The following KSR2 variants were observed in gnomAD, a reference collection of about 807,000 sequenced individuals.
The protein encoded by KSR2 is kinase suppressor of ras 2.
In KSR2, 25 loss-of-function variants were observed where a neutral mutation model predicts 107.8. The observed-to-expected ratio is 0.23, with a 90% CI of 0.17 to 0.32. The LOEUF (loss-of-function observed/expected upper bound fraction) is 0.32. Ranked by LOEUF, KSR2 falls within the 10% of genes least tolerant of loss-of-function variation. The pLI is 1.00. For missense variants in KSR2, 887 were observed against 1,268.9 expected (o/e 0.70, Z 4.57); for synonymous variants, 480 against 507.0 (o/e 0.95, Z 0.71).
chr12:117,900,100 G>A (rs1230306746), intron 1 of KSR2, among the ~76,000 whole-genome samples: 1 of 152,220 alleles, frequency 6.6e-6, no homozygotes, highest in African/African-American at 2.4e-5. Flanking sequence ...GCCATGCCTG[G>A]ATGTCTGATC....
chr12:117,693,359 G>T (rs1488944051), intron 4 of KSR2, among the ~76,000 whole-genome samples: 2 of 152,176 alleles, frequency 1.3e-5, no homozygotes, highest in South Asian at 4.1e-4. Flanking sequence ...CCACCTATGG[G>T]CCACAAATGA....
At chr12:117,845,001 C>G (rs751272582) in intron 3 of KSR2, among the ~76,000 whole-genome samples, 3 of 152,102 alleles carry the variant, frequency 2.0e-5, no homozygotes, top group Non-Finnish European at 2.9e-5. Context: ...AAAAAATTAG[C>G]CAGGCGTGGT....
intron 12 of KSR2, among the ~76,000 whole-genome samples, chr12:117,529,348 T>A (rs185181595): frequency 4.6e-5 from 7 of 152,290 alleles, no homozygotes; most frequent in African/African-American, 1.7e-4. Flanking sequence ...CCCAAGTAGC[T>A]GCGATTACAG....
chr12:117,736,973 C>T (rs1427030282), intron 4 of KSR2, among the ~76,000 whole-genome samples: 1 of 152,110 alleles, frequency 6.6e-6, no homozygotes, highest in Non-Finnish European at 1.5e-5. Context: ...GGGAATTAAC[C>T]CTCGAAGAAA....
At chr12:117,913,961 C>A (rs1895100828) in intron 1 of KSR2, among the ~76,000 whole-genome samples, 1 of 152,186 alleles carries the variant, frequency 6.6e-6, no homozygotes, top group African/African-American at 2.4e-5. Context: ...TCTTCTCTGT[C>A]CGTCCCTTCA....
intron 10 of KSR2, 57 bp from the exon 11 acceptor site, chr12:117,531,764 G>T (rs1875652690): frequency 2.9e-6 from 4 of 1,392,606 alleles, no homozygotes; most frequent in Non-Finnish European, 4.0e-6. Flanking sequence ...TCGCTTCAGG[G>T]ACCAGATTGA....
intron 16 of KSR2, among the ~76,000 whole-genome samples, chr12:117,480,028 A>ATGTGTATGTG (rs995771145): frequency 6.7e-6 from 1 of 148,538 alleles, no homozygotes; most frequent in African/African-American, 2.5e-5. Context: ...ACACATGTGT[A>ATGTGTATGTG]TGTGTGTGTG....
At chr12:117,916,476 G>C (rs765180974) in intron 1 of KSR2, among the ~76,000 whole-genome samples, 6 of 152,150 alleles carry the variant, frequency 3.9e-5, no homozygotes, top group Non-Finnish European at 7.3e-5. Flanking sequence ...TTTTTAAATG[G>C]AACACAGTAT....
intron 5 of KSR2, among the ~76,000 whole-genome samples, chr12:117,636,101 C>G (rs928001356): frequency 1.3e-5 from 2 of 152,074 alleles, no homozygotes; most frequent in African/African-American, 4.8e-5. Context: ...CAGTATGTTA[C>G]TACTTTTAAA....
chr12:117,738,691 A>G (rs1052884518), intron 4 of KSR2, among the ~76,000 whole-genome samples: 1 of 152,094 alleles, frequency 6.6e-6, no homozygotes, highest in Non-Finnish European at 1.5e-5. Context: ...CCTGGCCAAC[A>G]CAGTGAAACC....
intron 1 of KSR2, among the ~76,000 whole-genome samples, chr12:117,874,982 G>T (rs1463000389): frequency 6.6e-6 from 1 of 152,158 alleles, no homozygotes; most frequent in Non-Finnish European, 1.5e-5. Context: ...GAAATCCGAC[G>T]GAGCTGGAGC....
intron 4 of KSR2, among the ~76,000 whole-genome samples, chr12:117,687,195 AC>A (rs1411730336): frequency 6.6e-6 from 1 of 151,520 alleles, no homozygotes; most frequent in East Asian, 1.9e-4. Flanking sequence ...CAACAGGATA[AC>A]CTCTCCTGCC....
At chr12:117,942,667 G>GTT (rs62913160) in intron 1 of KSR2, among the ~76,000 whole-genome samples, 2 of 138,770 alleles carry the variant, frequency 1.4e-5, no homozygotes, top group Admixed American at 7.3e-5. Context: ...TTTTTTTTGT[G>GTT]TTTTTTTTTT....
At chr12:117,568,516 A>G (rs1402993070) in intron 7 of KSR2, among the ~76,000 whole-genome samples, 2 of 151,982 alleles carry the variant, frequency 1.3e-5, no homozygotes, top group Non-Finnish European at 2.9e-5. Context: ...CTGAGCGATC[A>G]GTGGGTTTGA....
intron 14 of KSR2, among the ~76,000 whole-genome samples, chr12:117,488,539 T>C (rs993768409): frequency 4.6e-5 from 7 of 152,144 alleles, no homozygotes; most frequent in Non-Finnish European, 8.8e-5. Context: ...AGTGCTCCTT[T>C]AAAAGGGACT....
chr12:117,697,639 C>G (rs1420976664), intron 4 of KSR2, among the ~76,000 whole-genome samples: 1 of 151,054 alleles, frequency 6.6e-6, no homozygotes, highest in Admixed American at 6.6e-5. Context: ...ACTCAGAAGG[C>G]TGAGGCAGGT....
chr12:117,898,169 C>T (rs994495725), intron 1 of KSR2, among the ~76,000 whole-genome samples: 6 of 152,082 alleles, frequency 3.9e-5, no homozygotes, highest in Admixed American at 2.0e-4. Flanking sequence ...ACACTTACAG[C>T]GAATGGTCAA....
chr12:117,547,169 G>A (rs1272040914), intron 9 of KSR2, among the ~76,000 whole-genome samples: 1 of 152,186 alleles, frequency 6.6e-6, no homozygotes, highest in Non-Finnish European at 1.5e-5. Flanking sequence ...AGAAAGGGGA[G>A]GTACTGCCTT....
At chr12:117,962,371 A>G (rs921869669) in intron 1 of KSR2, among the ~76,000 whole-genome samples, 1 of 151,678 alleles carries the variant, frequency 6.6e-6, no homozygotes, top group Non-Finnish European at 1.5e-5. Flanking sequence ...TCTATCCTAC[A>G]GCCTAGGGAT....
Sources: gnomAD v4.1 joint callset for allele counts (sites outside exome capture counted in the v4.1 genomes callset) on GRCh38, gnomAD v4.1.1 for gene constraint, MANE v1.5 for transcripts, NCBI Gene and HGNC (gene_info 2026-07-23, HGNC 2026-07-21) for gene names.